Variants in LRP2 observed in about 807,000 individuals in gnomAD.
The protein encoded by LRP2 is low-density lipoprotein receptor-related protein 2.
A neutral mutation model predicts 531.0 loss-of-function variants in LRP2; 172 were observed. The observed-to-expected ratio is 0.32, with a 90% CI of 0.29 to 0.37. LRP2 has a LOEUF of 0.37. Among genes scored for constraint, LRP2 ranks in the 10% least tolerant of loss-of-function variants. The probability of loss-of-function intolerance (pLI) is 1.00; values close to 1 mark genes in which losing one functional copy is unlikely to be tolerated. For synonymous variants in LRP2, 1,992 were observed against 2,027.6 expected, an observed-to-expected ratio of 0.98 and a Z score of 0.47; for missense variants, 5,167 against 5,868.3, an observed-to-expected ratio of 0.88 and a Z score of 3.90.
At chr2:169,131,396 G>A (rs1685284567) in intron 77 of LRP2, among the ~76,000 whole-genome samples, 1 of 152,034 alleles carries the variant, frequency 6.6e-6, no homozygotes, top group Non-Finnish European at 1.5e-5. Flanking sequence ...TAAATCAGCA[G>A]AACAGAAACC....
chr2:169,311,723 GT>G (rs1684603375), intron 3 of LRP2, among the ~76,000 whole-genome samples: 1 of 152,114 alleles, frequency 6.6e-6, no homozygotes, highest in Non-Finnish European at 1.5e-5. Context: ...GGTCTGCTTG[GT>G]GCAGAGCTGA....
At chr2:169,312,476 G>A (rs1421700870) in intron 3 of LRP2, among the ~76,000 whole-genome samples, 1 of 152,094 alleles carries the variant, frequency 6.6e-6, no homozygotes, top group Non-Finnish European at 1.5e-5. Flanking sequence ...TAGTTTGGCT[G>A]GATATGAAAT....
intron 21 of LRP2, among the ~76,000 whole-genome samples, 169 bp from the exon 22 acceptor site, chr2:169,245,101 T>A (rs1449422086): frequency 6.6e-6 from 1 of 152,198 alleles, no homozygotes; most frequent in African/African-American, 2.4e-5. Flanking sequence ...TTGGCTGGCA[T>A]TTATTTGGTA....
chr2:169,170,511 A>G (rs778610718), intron 59 of LRP2, 40 bp downstream of exon 59: 2 of 1,499,092 alleles, frequency 1.3e-6, no homozygotes, highest in East Asian at 4.5e-5. Flanking sequence ...ACACTGTCAC[A>G]GTACAAAATT....
At position 169,175,727 on chromosome 2, in the gene LRP2, G is replaced by A. The variant is rs373541343; in HGVS notation, c.10572-338C>T. ...TGATTGGTTGAGATTGTCTGCCAGG[G>A]TGATATAAAAGTATTGTTTGGGAAG... On this transcript the variant is annotated intron_variant, in intron 54 of 78. Coordinates refer to ENST00000649046, the MANE Select transcript of LRP2 (RefSeq NM_004525.3). 5.3e-5 allele frequency among the ~76,000 whole-genome samples: 8 copies of A among 152,298 alleles called. No homozygotes were observed. In the South Asian group the frequency reaches 1.4e-3, roughly 28 times the overall value.
At position 169,142,762 on chromosome 2, in the gene LRP2, G is replaced by A. The variant is rs1377203552; in HGVS notation, c.13020C>T (p.His4340=). 1.9e-6 allele frequency: 3 copies of A among 1,614,100 alleles called. No individual in the cohort carries two copies. In the East Asian group the frequency reaches 6.7e-5, roughly 36 times the overall value. The change falls in exon 71 of 79, where the codon CAC becomes CAT. Residue 4340 remains histidine (H), a synonymous_variant. Coordinates refer to ENST00000649046, the MANE Select transcript of LRP2 (RefSeq NM_004525.3). ...ATCCTCCAGGTCTCAGAAGGCAGAG[G>A]TGGCTGCAGATCTGTTTGCAAAGGT... ...VPNLCKQICS[H]LCLLRPGGYS...
intron 67 of LRP2, 127 bp from the exon 68 acceptor site, chr2:169,151,153 C>A: frequency 1.1e-6 from 1 of 949,038 alleles, no homozygotes; most frequent in Non-Finnish European, 1.7e-6. Flanking sequence ...ATCATCAGAC[C>A]ATAGTCCCCC....
At position 169,139,259 on chromosome 2, in the gene LRP2, C is replaced by T. The variant is rs769261622; in HGVS notation, c.13380G>A (p.Lys4460=). 4 of 1,614,172 alleles carry T rather than the reference C, an allele frequency of 2.5e-6. No homozygotes were observed. Among genetic ancestry groups the T allele is most frequent in the East Asian group, 4.5e-5 (2 of 44,888 alleles). The change falls in exon 74 of 79, where the codon AAG becomes AAA. Residue 4460 remains lysine (K), a synonymous_variant. Coordinates refer to ENST00000649046, the MANE Select transcript of LRP2 (RefSeq NM_004525.3). ...RTGSLLPALP[K]LPSLSSLVKP... The stretch of plus-strand genomic sequence containing the variant: ...CCCATAATGAAACTGACCTTGGCAG[C>T]TTGGGCAGAGCAGGCAAAAGGGAGC...
intron 61 of LRP2, among the ~76,000 whole-genome samples, chr2:169,167,871 A>G (rs891031947): frequency 2.0e-5 from 3 of 151,320 alleles, no homozygotes; most frequent in Non-Finnish European, 4.4e-5. Context: ...CCTTTTAAAA[A>G]TACGTATGTG....
At chr2:169,224,968 G>GTAATCT (rs1689146178) in intron 33 of LRP2, among the ~76,000 whole-genome samples, 1 of 151,994 alleles carries the variant, frequency 6.6e-6, no homozygotes. Context: ...GTGCACGCCT[G>GTAATCT]TAATCCCAGC....
Position 169,197,021 on chromosome 2 carries a change from G to A in LRP2, c.8588C>T (p.Thr2863Met), listed in dbSNP as rs372193473. 4.2e-5 allele frequency: 67 copies of A among 1,613,770 alleles called. No individual in the cohort carries two copies. The African/African-American group carries it at 6.7e-4, about 16-fold the overall frequency. Residue 2863 changes from threonine (T) to methionine (M), a missense_variant, in exon 46 of 79, where the codon ACG becomes ATG. Transcript: ENST00000649046. The part of the protein sequence containing the change: ...DENPTYCTTH[T>M]CSSSEFQCAS... Reference sequence around the variant, plus strand: ...GCATTGGAACTCACTGCTGCTGCACGTGTGAGTGGCTGCAGGAGGGAAAGA... The same window carrying A: ...GCATTGGAACTCACTGCTGCTGCACATGTGAGTGGCTGCAGGAGGGAAAGA...
chr2:169,171,051 A>G (rs557598468), intron 58 of LRP2, among the ~76,000 whole-genome samples: 1 of 149,896 alleles, frequency 6.7e-6, no homozygotes, highest in Non-Finnish European at 1.5e-5. Context: ...GTGTTCCACC[A>G]TGCCCAGCTT....
intron 52 of LRP2, among the ~76,000 whole-genome samples, chr2:169,181,127 AT>A (rs1687414702): frequency 6.6e-6 from 1 of 152,128 alleles, no homozygotes; most frequent in Non-Finnish European, 1.5e-5. Context: ...AATTAAAGAG[AT>A]AAAAAAAATT....
intron 47 of LRP2, among the ~76,000 whole-genome samples, chr2:169,192,986 A>T (rs1687882165): frequency 6.6e-6 from 1 of 152,200 alleles, no homozygotes. Context: ...TAATTCTTGA[A>T]CTAGCTAAGA....
In LRP2 at chr2:169,213,110, C is replaced by A. The variant is rs115505288; in HGVS notation, c.6040+547G>T. Among the ~76,000 whole-genome samples, 946 of 152,100 alleles carry A rather than the reference C, an allele frequency of 6.2e-3. 12 individuals carry two copies. The highest frequency in any genetic ancestry group is 0.019 in the African/African-American group (803 of 41,488). ...TCAAAAAATAATACCTGTATCATAC[C>A]ACTAATTTAAAGGGGTAAATCAGAA... On this transcript the variant is annotated intron_variant, in intron 36 of 78. Transcript: ENST00000649046.
At chr2:169,340,783 C>G (rs1685541030) in intron 1 of LRP2, among the ~76,000 whole-genome samples, 1 of 152,156 alleles carries the variant, frequency 6.6e-6, no homozygotes, top group Admixed American at 6.5e-5. Flanking sequence ...AAACAAAATC[C>G]TCTCTGCGAC....
At chr2:169,301,953 T>C (rs1684295661) in intron 4 of LRP2, among the ~76,000 whole-genome samples, 1 of 152,124 alleles carries the variant, frequency 6.6e-6, no homozygotes, top group Non-Finnish European at 1.5e-5. Flanking sequence ...GAGCCCTTCT[T>C]TGGAGCTTTT....
At chr2:169,277,232 C>A (rs137951652) in intron 13 of LRP2, among the ~76,000 whole-genome samples, 1,541 of 149,248 alleles carry the variant, frequency 0.01, 31 homozygotes, top group African/African-American at 0.036. Flanking sequence ...ATTCTACATT[C>A]AAATATTGCT....
At position 169,146,974 on chromosome 2, in the gene LRP2, T is replaced by A; in HGVS notation, c.12591-15A>T. 1 of 1,579,540 alleles carries A rather than the reference T, an allele frequency of 6.3e-7. No homozygotes were observed. The highest frequency in any genetic ancestry group is 8.7e-7 in the Non-Finnish European group (1 of 1,154,662). ...AGAACATAAGCCTATAACAGAAGAT[T>A]TCTTCACTGTAGCATCTCACCTGGT... is the stretch of plus-strand genomic sequence containing the variant. On this transcript the variant is annotated splice_polypyrimidine_tract_variant and intron_variant, in intron 68 of 78. Transcript: ENST00000649046.
Sources: allele counts gnomAD v4.1 joint callset (sites outside exome capture counted in the v4.1 genomes callset), GRCh38; gene constraint gnomAD v4.1.1; transcripts MANE v1.5; gene names NCBI Gene and HGNC (gene_info 2026-07-23, HGNC 2026-07-21).